TMEM74: variants seen among roughly 807,000 people sequenced by gnomAD.
The protein encoded by TMEM74 is transmembrane protein 74.
A neutral mutation model predicts 18.1 loss-of-function variants in TMEM74; 13 were observed. The observed-to-expected ratio is 0.72, with a 90% CI of 0.47 to 1.14. The LOEUF (loss-of-function observed/expected upper bound fraction) is 1.14, where lower values mean the gene tolerates loss of function less well. Among genes scored for constraint, TMEM74 ranks in the 50% most tolerant of loss-of-function variants. The pLI, the probability that TMEM74 is intolerant of heterozygous loss-of-function variation, is 0.00. For missense variants in TMEM74, 372 were observed against 375.9 expected, an observed-to-expected ratio of 0.99 and a Z score of 0.09; for synonymous variants, 159 against 146.6, an observed-to-expected ratio of 1.08 and a Z score of -0.61.
rs190146948 is a variant in TMEM74 at position 108,653,631 on chromosome 8, A to C, written n.264+1662T>G. ...TATATGTGAAACATCTACTCTTTAG[A>C]GATTGTTTAAATAATAAATAATTAT... On this transcript the variant is annotated intron_variant and non_coding_transcript_variant, in intron 2 of 3. Coordinates refer to the TMEM74 transcript ENST00000518838. 5.3e-5 allele frequency among the ~76,000 whole-genome samples: 8 copies of C among 152,270 alleles called. No homozygotes were observed. The East Asian group carries it at 1.5e-3, about 29-fold the overall frequency.
At chr8:108,742,103 TCACAAA>T (rs891643240) in intron 1 of TMEM74, among the ~76,000 whole-genome samples, 1 of 151,618 alleles carries the variant, frequency 6.6e-6, no homozygotes, top group Non-Finnish European at 1.5e-5. Context: ...TAATGAGAAA[TCACAAA>T]CACAAAGAAG....
chr8:108,732,412 T>C (rs1221010493), intron 1 of TMEM74, among the ~76,000 whole-genome samples: 1 of 152,192 alleles, frequency 6.6e-6, no homozygotes, highest in Non-Finnish European at 1.5e-5. Context: ...AAAAAGCTGT[T>C]TCTAAAATGT....
At chr8:108,681,532 T>C (rs148575268) in intron 1 of TMEM74, among the ~76,000 whole-genome samples, 1 of 152,164 alleles carries the variant, frequency 6.6e-6, no homozygotes, top group Non-Finnish European at 1.5e-5. Flanking sequence ...TGGATTAAGT[T>C]CTCTTAAATA....
chr8:108,678,745 ATTTAT>A lies in TMEM74; in HGVS notation n.120-23313_120-23309del, dbSNP rs1813081748. Reference sequence around the variant, plus strand: ...CTTTTTAAAATTTATATATTTATTTATTTATTTTATTATTATTATACTTTAAGTTT... The same window carrying A: ...CTTTTTAAAATTTATATATTTATTTATTTATTATTATTATACTTTAAGTTT... On this transcript the variant is annotated intron_variant and non_coding_transcript_variant, in intron 1 of 3. Transcript: ENST00000518838. 2.0e-5 allele frequency among the ~76,000 whole-genome samples: 3 copies of A among 149,038 alleles called. 1 individual carries two copies. The South Asian group carries it at 6.3e-4, about 31-fold the overall frequency.
chr8:108,672,493 TA>T, intron 1 of TMEM74, among the ~76,000 whole-genome samples: 1 of 152,202 alleles, frequency 6.6e-6, no homozygotes, highest in East Asian at 1.9e-4. Flanking sequence ...TGTGTCTCCC[TA>T]CTTAGGACTA....
Position 108,780,873 on chromosome 8 carries a change from T to C in TMEM74, c.*3308A>G, listed in dbSNP as rs1479562547. The stretch of plus-strand genomic sequence containing the variant: ...CAGTACATCTTATTATGTGATCTGC[T>C]TTAAGAGCTCCCAATGGGTGGGAAG... On this transcript the variant is annotated 3_prime_UTR_variant, in exon 2 of 2. Coordinates refer to ENST00000297459, the MANE Select transcript of TMEM74 (RefSeq NM_153015.3). Among the ~76,000 whole-genome samples the C allele has an allele frequency of 6.6e-6, 1 of 152,174 alleles. No homozygotes were observed. Among genetic ancestry groups the C allele is most frequent in the African/African-American group, 2.4e-5 (1 of 41,444 alleles).
intron 2 of TMEM74, among the ~76,000 whole-genome samples, chr8:108,630,939 A>G (rs1586240394): frequency 6.6e-6 from 1 of 152,102 alleles, no homozygotes; most frequent in Admixed American, 6.6e-5. Flanking sequence ...GCCCTGGACA[A>G]GACCCTGTTT....
At chr8:108,619,755 C>T (rs1355867838) in intron 2 of TMEM74, among the ~76,000 whole-genome samples, 2 of 152,180 alleles carry the variant, frequency 1.3e-5, no homozygotes, top group Non-Finnish European at 1.5e-5. Context: ...TTTGAAGCTA[C>T]ACCATTTTGC....
Position 108,784,199 on chromosome 8 carries a change from C to A in TMEM74, c.900G>T (p.Ala300=), listed in dbSNP as rs750837121. Reference sequence around the variant, plus strand: ...ACCAGAATTAACTCTGTACAGCAAGCGCATCTTCCTCTACCAAGGACAGTT... The same window carrying A: ...ACCAGAATTAACTCTGTACAGCAAGAGCATCTTCCTCTACCAAGGACAGTT... ...TLELSLVEED[A]LAVQS is the part of the protein sequence containing the mutation. The change falls in exon 2 of 2, where the codon GCG becomes GCT. Residue 300 remains alanine, a synonymous_variant. Coordinates refer to ENST00000297459, the MANE Select transcript of TMEM74 (RefSeq NM_153015.3). 1.2e-6 allele frequency: 2 copies of A among 1,609,392 alleles called. No individual in the cohort carries two copies. The highest frequency in any genetic ancestry group is 1.7e-6 in the Non-Finnish European group (2 of 1,176,988).
At chr8:108,756,638 G>A (rs1586286337) in intron 1 of TMEM74, among the ~76,000 whole-genome samples, 2 of 69,374 alleles carry the variant, frequency 2.9e-5, no homozygotes, top group African/African-American at 6.8e-5. Context: ...AAGGAAGGAA[G>A]GAAGAAAGAA....
chr8:108,618,335 G>A (rs534222999), intron 2 of TMEM74, among the ~76,000 whole-genome samples: 1 of 152,274 alleles, frequency 6.6e-6, no homozygotes, highest in South Asian at 2.1e-4. Context: ...ATATTTTGAT[G>A]AGTATAATTT....
intron 1 of TMEM74, among the ~76,000 whole-genome samples, chr8:108,703,364 T>C (rs1813355844): frequency 6.6e-6 from 1 of 152,198 alleles, no homozygotes; most frequent in South Asian, 2.1e-4. Flanking sequence ...TGCTTCTCAA[T>C]ACAGTTGCCC....
intron 1 of TMEM74, among the ~76,000 whole-genome samples, chr8:108,744,833 A>G (rs1440355801): frequency 6.6e-6 from 1 of 151,962 alleles, no homozygotes; most frequent in Non-Finnish European, 1.5e-5. Context: ...CTGTGGAGGA[A>G]CCCTTTGTAG....
At chr8:108,689,371 T>C (rs370882003) in intron 1 of TMEM74, among the ~76,000 whole-genome samples, 4 of 152,208 alleles carry the variant, frequency 2.6e-5, no homozygotes, top group Non-Finnish European at 5.9e-5. Context: ...ACTGTTTTCA[T>C]AGAGTAACGA....
intron 1 of TMEM74, among the ~76,000 whole-genome samples, chr8:108,657,854 AAAAAAATATATATATATATAT>A (rs1340169074): frequency 3.4e-5 from 2 of 58,058 alleles, no homozygotes; most frequent in East Asian, 1.4e-3. Flanking sequence ...AAAAAAAAAA[AAAAAAATATATATATATATAT>A]ATATATATAT....
At chr8:108,731,429 AG>A (rs1232312153) in intron 1 of TMEM74, among the ~76,000 whole-genome samples, 1 of 152,212 alleles carries the variant, frequency 6.6e-6, no homozygotes, top group Non-Finnish European at 1.5e-5. Context: ...CACACTCAGG[AG>A]CATAAAATCT....
At position 108,743,882 on chromosome 8, in the gene TMEM74, A is replaced by G. The variant is rs75357381; in HGVS notation, n.119+43594T>C. On this transcript the variant is annotated intron_variant and non_coding_transcript_variant, in intron 1 of 3. Transcript: ENST00000518838. ...GAGTAGCTTTCCAAGGGGAGAAAGA[A>G]TGTTTGAAAATGTGGGGGAAGATGT... Among the ~76,000 whole-genome samples, 875 of 152,194 alleles carry G rather than the reference A, an allele frequency of 5.7e-3. 7 individuals are homozygous for G. The highest frequency in any genetic ancestry group is 0.02 in the African/African-American group (842 of 41,528).
At chr8:108,665,943 T>G (rs2130585398) in intron 1 of TMEM74, among the ~76,000 whole-genome samples, 1 of 152,288 alleles carries the variant, frequency 6.6e-6, no homozygotes, top group Admixed American at 6.5e-5. Flanking sequence ...ATCATTCAAT[T>G]AGACTATGCA....
At chr8:108,775,234 T>C (rs1814219206), downstream of TMEM74, among the ~76,000 whole-genome samples, 1 of 152,184 alleles carries the variant, frequency 6.6e-6, no homozygotes, top group African/African-American at 2.4e-5. Flanking sequence ...TGTCCTTCTT[T>C]CTGGAAGGAA....
Sources: gnomAD v4.1 joint callset for allele counts (sites outside exome capture counted in the v4.1 genomes callset) on GRCh38, gnomAD v4.1.1 for gene constraint, MANE v1.5 for transcripts, NCBI Gene and HGNC (gene_info 2026-07-23, HGNC 2026-07-21) for gene names.